The following ZBTB20 variants were observed in gnomAD, a reference collection of about 807,000 sequenced individuals.
ZBTB20 encodes zinc finger and BTB domain containing 20, also known as zinc finger and BTB domain-containing protein 20.
In ZBTB20, 9 loss-of-function variants were observed where a neutral mutation model predicts 56.9. The observed-to-expected ratio is 0.16, with a 90% CI of 0.10 to 0.28. ZBTB20 has a LOEUF of 0.28. ZBTB20 is among the 10% of genes least tolerant of loss of function. ZBTB20 has a pLI of 1.00. For missense variants in ZBTB20, 655 were observed against 1,003.0 expected, an observed-to-expected ratio of 0.65 and a Z score of 4.69; for synonymous variants, 417 against 420.7, an observed-to-expected ratio of 0.99 and a Z score of 0.11.
intron 4 of ZBTB20, among the ~76,000 whole-genome samples, chr3:114,891,356 T>C (rs576069908): frequency 7.2e-5 from 11 of 152,322 alleles, no homozygotes; most frequent in African/African-American, 1.2e-4. Flanking sequence ...ACACTGAGAG[T>C]GCCTTGTTTT....
intron 5 of ZBTB20, among the ~76,000 whole-genome samples, chr3:114,768,566 T>G (rs930116751): frequency 6.6e-6 from 1 of 152,088 alleles, no homozygotes; most frequent in Admixed American, 6.6e-5. Context: ...AATAATAAAC[T>G]AATTTCAATG....
intron 5 of ZBTB20, among the ~76,000 whole-genome samples, chr3:114,761,852 A>G (rs570393955): frequency 3.3e-5 from 5 of 152,174 alleles, no homozygotes; most frequent in South Asian, 2.1e-4. Flanking sequence ...AGAAAAAAAA[A>G]AAAGAAAGAA....
At chr3:114,362,196 T>C (rs1371405713) in intron 10 of ZBTB20, among the ~76,000 whole-genome samples, 2 of 152,212 alleles carry the variant, frequency 1.3e-5, no homozygotes, top group Non-Finnish European at 1.5e-5. Flanking sequence ...GAACTTCCTA[T>C]ACATGTAGCA....
intron 4 of ZBTB20, among the ~76,000 whole-genome samples, chr3:114,884,427 T>C (rs1377547659): frequency 1.3e-5 from 2 of 152,224 alleles, no homozygotes; most frequent in African/African-American, 4.8e-5. Context: ...CTTGTGCATT[T>C]TTTCACATAG....
At chr3:114,458,047 T>C (rs2109097612) in intron 7 of ZBTB20, among the ~76,000 whole-genome samples, 1 of 152,302 alleles carries the variant, frequency 6.6e-6, no homozygotes. Context: ...TCAGGTGTAG[T>C]CCTTTGTCAG....
intron 3 of ZBTB20, among the ~76,000 whole-genome samples, chr3:114,951,662 CA>C (rs1560430446): frequency 6.6e-6 from 1 of 151,992 alleles, no homozygotes; most frequent in Non-Finnish European, 1.5e-5. Context: ...CCTTTTAAAA[CA>C]AAAATGTCAA....
intron 5 of ZBTB20, among the ~76,000 whole-genome samples, chr3:114,733,324 C>T (rs540458345): frequency 1.3e-5 from 2 of 152,310 alleles, no homozygotes; most frequent in African/African-American, 4.8e-5. Context: ...GGATACCCAA[C>T]GCCTGACAGA....
At chr3:115,005,588 T>C (rs1330701854) in intron 2 of ZBTB20, among the ~76,000 whole-genome samples, 1 of 151,814 alleles carries the variant, frequency 6.6e-6, no homozygotes, top group Non-Finnish European at 1.5e-5. Flanking sequence ...CTCTTTGCAT[T>C]AATATAATTA....
chr3:114,665,777 A>G (rs2061015056), intron 6 of ZBTB20, among the ~76,000 whole-genome samples: 1 of 152,054 alleles, frequency 6.6e-6, no homozygotes, highest in Admixed American at 6.6e-5. Context: ...CATGAGAAAA[A>G]GCAAACAAAC....
At chr3:114,756,656 T>C (rs1225300589) in intron 5 of ZBTB20, among the ~76,000 whole-genome samples, 1 of 152,170 alleles carries the variant, frequency 6.6e-6, no homozygotes, top group Non-Finnish European at 1.5e-5. Context: ...CAAAGAGTGA[T>C]AGTCATCTCA....
At chr3:115,011,014 G>A (rs1005810217) in intron 2 of ZBTB20, among the ~76,000 whole-genome samples, 2 of 152,016 alleles carry the variant, frequency 1.3e-5, no homozygotes, top group East Asian at 3.9e-4. Flanking sequence ...GCCTACTAAA[G>A]AATGTCTCAG....
chr3:114,920,614 G>T (rs2075919731), intron 3 of ZBTB20, among the ~76,000 whole-genome samples: 1 of 151,926 alleles, frequency 6.6e-6, no homozygotes, highest in African/African-American at 2.4e-5. Flanking sequence ...CACACAACAA[G>T]AGGGAAGGAC....
At chr3:115,067,596 C>A (rs1213669008) in intron 2 of ZBTB20, among the ~76,000 whole-genome samples, 1 of 151,460 alleles carries the variant, frequency 6.6e-6, no homozygotes, top group African/African-American at 2.4e-5. Context: ...TTCAGATTGT[C>A]CTCCACAGCA....
intron 5 of ZBTB20, among the ~76,000 whole-genome samples, chr3:114,733,655 A>G (rs954533817): frequency 2.0e-5 from 3 of 152,190 alleles, no homozygotes; most frequent in African/African-American, 7.2e-5. Context: ...CAAAACTAGA[A>G]GCCAAGAGAA....
chr3:115,063,876 G>T (rs2082107033), intron 2 of ZBTB20, among the ~76,000 whole-genome samples: 1 of 152,038 alleles, frequency 6.6e-6, no homozygotes. Flanking sequence ...CATGGCAGAA[G>T]ACTTAGTTCT....
At chr3:114,516,909 CAA>C (rs1466576193) in intron 6 of ZBTB20, among the ~76,000 whole-genome samples, 1 of 152,020 alleles carries the variant, frequency 6.6e-6, no homozygotes, top group East Asian at 1.9e-4. Flanking sequence ...AACTGTGAGA[CAA>C]AAAATTTCTG....
At chr3:114,969,824 C>T (rs2077800404) in intron 3 of ZBTB20, among the ~76,000 whole-genome samples, 1 of 152,178 alleles carries the variant, frequency 6.6e-6, no homozygotes, top group Non-Finnish European at 1.5e-5. Flanking sequence ...ATGGTAACTG[C>T]TGAACTATGA....
At chr3:114,892,354 G>T (rs377706161) in intron 4 of ZBTB20, among the ~76,000 whole-genome samples, 14 of 152,178 alleles carry the variant, frequency 9.2e-5, no homozygotes, top group African/African-American at 3.1e-4. Context: ...TCATTTAAAT[G>T]ATTCTGCAAA....
intron 6 of ZBTB20, among the ~76,000 whole-genome samples, chr3:114,665,238 C>T (rs11709238): frequency 0.057 from 8,713 of 152,018 alleles, 330 homozygotes; most frequent in Middle Eastern, 0.15. Context: ...TATGTAAATA[C>T]TTACCATCTA....
Sources: allele counts gnomAD v4.1 joint callset (sites outside exome capture counted in the v4.1 genomes callset), GRCh38; gene constraint gnomAD v4.1.1; transcripts MANE v1.5; gene names NCBI Gene and HGNC (gene_info 2026-07-23, HGNC 2026-07-21).